DLGAP2: variants seen among roughly 807,000 people sequenced by gnomAD.
The protein encoded by DLGAP2 is DLG associated protein 2.
Under a neutral mutation model 100.3 loss-of-function variants are expected in DLGAP2, and 26 were observed. That is an observed-to-expected ratio of 0.26 (90% confidence interval 0.19 to 0.36). The LOEUF (loss-of-function observed/expected upper bound fraction) is 0.36, where lower values mean the gene tolerates loss of function less well. Ranked by LOEUF, DLGAP2 falls within the 10% of genes least tolerant of loss-of-function variation. The probability of loss-of-function intolerance (pLI) is 1.00; values close to 1 mark genes in which losing one functional copy is unlikely to be tolerated. For missense variants in DLGAP2, 1,858 were observed against 1,453.2 expected (o/e 1.28, Z -4.53); for synonymous variants, 886 against 630.1 (o/e 1.41, Z -6.08).
At chr8:1,609,364 C>A (rs1355617786) in intron 6 of DLGAP2, among the ~76,000 whole-genome samples, 1 of 135,208 alleles carries the variant, frequency 7.4e-6, no homozygotes, top group African/African-American at 2.6e-5. Flanking sequence ...ACCACCAGGC[C>A]TGCCCTAAAA....
In DLGAP2 at chr8:1,383,641, T is replaced by C. The variant is rs528708724; in HGVS notation, c.107-117725T>C. 3.3e-5 allele frequency among the ~76,000 whole-genome samples: 5 copies of C among 152,336 alleles called. No individual in the cohort carries two copies. The South Asian group carries it at 1.0e-3, about 32-fold the overall frequency. ...CCAGATCCCAATTCCATGGTTCCCC[T>C]TAGTGGCTGGGGCTGGGACAGGTGC... On this transcript the variant is annotated intron_variant, in intron 3 of 14. Coordinates refer to ENST00000637795, the MANE Select transcript of DLGAP2 (RefSeq NM_001346810.2).
At chr8:1,664,398 C>T (rs900379872) in intron 8 of DLGAP2, among the ~76,000 whole-genome samples, 6 of 152,128 alleles carry the variant, frequency 3.9e-5, no homozygotes, top group African/African-American at 1.4e-4. Context: ...TCTTTCAACC[C>T]CAGTCTCTCT....
intron 2 of DLGAP2, among the ~76,000 whole-genome samples, chr8:1,073,150 G>A (rs140405539): frequency 6.6e-6 from 1 of 152,304 alleles, no homozygotes; most frequent in Non-Finnish European, 1.5e-5. Context: ...TTCCAGGTCT[G>A]TCTTCCACCT....
chr8:940,307 C>A (rs1009203301), intron 2 of DLGAP2, among the ~76,000 whole-genome samples: 1 of 151,662 alleles, frequency 6.6e-6, no homozygotes, highest in African/African-American at 2.4e-5. Context: ...CCAATGCCTG[C>A]GACATGAGGT....
At chr8:1,350,320 G>C (rs1349472920) in intron 3 of DLGAP2, among the ~76,000 whole-genome samples, 1 of 88,964 alleles carries the variant, frequency 1.1e-5, no homozygotes, top group African/African-American at 3.8e-5. Flanking sequence ...GGTCCTGAGC[G>C]TGCGTGGAAA....
At chr8:1,295,471 A>G (rs909632713) in intron 3 of DLGAP2, among the ~76,000 whole-genome samples, 22 of 152,106 alleles carry the variant, frequency 1.4e-4, no homozygotes, top group Non-Finnish European at 3.2e-4. Context: ...GCCCCCAGCC[A>G]CGTCAGCGGG....
intron 2 of DLGAP2, among the ~76,000 whole-genome samples, chr8:946,552 C>A (rs184678847): frequency 6.6e-6 from 1 of 152,164 alleles, no homozygotes; most frequent in African/African-American, 2.4e-5. Context: ...CGTGAGCCAC[C>A]GCGCCCGGCC....
chr8:1,372,976 A>G (rs1488604632), intron 3 of DLGAP2, among the ~76,000 whole-genome samples: 2 of 152,088 alleles, frequency 1.3e-5, no homozygotes, highest in Admixed American at 1.3e-4. Context: ...ATGGCCACCT[A>G]CGTGGCCACC....
chr8:945,748 G>A (rs553596142), intron 2 of DLGAP2, among the ~76,000 whole-genome samples: 4 of 152,226 alleles, frequency 2.6e-5, no homozygotes, highest in African/African-American at 9.6e-5. Context: ...TTTTCTCCAA[G>A]TTAATTCCTT....
At chr8:1,097,325 G>A (rs111599936) in intron 2 of DLGAP2, among the ~76,000 whole-genome samples, 38 of 125,976 alleles carry the variant, frequency 3.0e-4, no homozygotes, top group African/African-American at 1.2e-3. Context: ...TCTGTGGCAT[G>A]GAGGGGACCC....
intron 2 of DLGAP2, among the ~76,000 whole-genome samples, chr8:1,057,321 A>G (rs1382769281): frequency 1.3e-5 from 2 of 152,256 alleles, no homozygotes; most frequent in African/African-American, 4.8e-5. Flanking sequence ...ACAGGTTATT[A>G]AGAAACAGGA....
At chr8:1,165,076 C>G (rs1205641494) in intron 2 of DLGAP2, among the ~76,000 whole-genome samples, 1 of 151,586 alleles carries the variant, frequency 6.6e-6, no homozygotes, top group Admixed American at 6.6e-5. Flanking sequence ...CTGGGCCGCT[C>G]CAGATGACAT....
chr8:1,530,593 G>C (rs1800957250), intron 4 of DLGAP2, among the ~76,000 whole-genome samples: 1 of 152,202 alleles, frequency 6.6e-6, no homozygotes, highest in African/African-American at 2.4e-5. Context: ...CAAGGGTACT[G>C]AATGGGGAAG....
At chr8:843,973 G>A (rs926267995) in intron 1 of DLGAP2, among the ~76,000 whole-genome samples, 1 of 152,206 alleles carries the variant, frequency 6.6e-6, no homozygotes, top group African/African-American at 2.4e-5. Context: ...AACATTGGTA[G>A]TATGTTTTAA....
chr8:1,290,574 C>G (rs939288433), intron 3 of DLGAP2, among the ~76,000 whole-genome samples: 1 of 152,212 alleles, frequency 6.6e-6, no homozygotes, highest in Non-Finnish European at 1.5e-5. Context: ...CCTTTAGAAA[C>G]AAGTGCTCCC....
intron 3 of DLGAP2, among the ~76,000 whole-genome samples, chr8:1,416,131 T>G (rs1041465416): frequency 6.6e-6 from 1 of 152,144 alleles, no homozygotes; most frequent in Non-Finnish European, 1.5e-5. Flanking sequence ...CTAAAGAGAC[T>G]TTTCAAAGTA....
intron 2 of DLGAP2, among the ~76,000 whole-genome samples, chr8:912,772 C>T (rs896588337): frequency 4.0e-5 from 6 of 148,382 alleles, no homozygotes; most frequent in Non-Finnish European, 5.9e-5. Flanking sequence ...CTGACCCCTG[C>T]GCTATGGTGC....
intron 3 of DLGAP2, among the ~76,000 whole-genome samples, chr8:1,410,625 G>A (rs1019022): frequency 0.27 from 41,643 of 152,058 alleles, 5,891 homozygotes; most frequent in Middle Eastern, 0.35. Context: ...TAAAACTCCT[G>A]GGGGAGCTTG....
At chr8:1,698,876 G>A (rs111606965) in intron 14 of DLGAP2, among the ~76,000 whole-genome samples, 53 of 148,000 alleles carry the variant, frequency 3.6e-4, no homozygotes, top group African/African-American at 1.1e-3. Flanking sequence ...GCAGGTCTGC[G>A]TAAGCCATGC....
Sources: gnomAD v4.1 joint callset for allele counts (sites outside exome capture counted in the v4.1 genomes callset) on GRCh38, gnomAD v4.1.1 for gene constraint, MANE v1.5 for transcripts, NCBI Gene and HGNC (gene_info 2026-07-23, HGNC 2026-07-21) for gene names.